The following PCDHGA6 variants were observed in gnomAD, a reference collection of about 807,000 sequenced individuals.
The protein encoded by PCDHGA6 is protocadherin gamma-A6.
PCDHGA6 carries 41 observed loss-of-function variants against 60.6 expected under a neutral mutation model. The observed-to-expected ratio is 0.68, with a 90% CI of 0.53 to 0.88. The LOEUF is 0.88. Among genes scored for constraint, PCDHGA6 ranks in the 40% least tolerant of loss-of-function variants. The pLI is 0.00. For synonymous variants in PCDHGA6, 594 were observed against 524.4 expected, an observed-to-expected ratio of 1.13 and a Z score of -1.81; for missense variants, 1,312 against 1,203.0, an observed-to-expected ratio of 1.09 and a Z score of -1.34.
chr5:141,490,419 G>T lies in PCDHGA6; in HGVS notation c.2425-4388G>T, dbSNP rs1424302713. ...TGAGCCTTGATATCTCTCCGGACCT[G>T]CCATTTCAGATTAAGCCTTCTGAGA... is the stretch of plus-strand genomic sequence containing the variant. On this transcript the variant is annotated intron_variant, in intron 1 of 3. Transcript: ENST00000517434. The surrounding 1 kb of genome is among the most constrained non-coding windows in gnomAD (Gnocchi z 5.4). The T allele has an allele frequency of 6.2e-7, 1 of 1,614,170 alleles. No homozygotes were observed. The highest frequency in any genetic ancestry group is 8.5e-7 in the Non-Finnish European group (1 of 1,180,020).
chr5:141,494,740 T>C, intron 1 of PCDHGA6, 67 bp from the exon 2 acceptor site: 1 of 1,612,194 alleles, frequency 6.2e-7, no homozygotes, highest in Non-Finnish European at 8.5e-7. Context: ...GGCCCATCCC[T>C]AGGGGCTCGG....
intron 1 of PCDHGA6, chr5:141,400,321 G>T (rs190006023): frequency 1.9e-6 from 3 of 1,614,064 alleles, no homozygotes; most frequent in East Asian, 2.2e-5. Context: ...TGTCAAGTCT[G>T]GACCTGTGGT....
intron 1 of PCDHGA6, chr5:141,377,067 G>A (rs1202945515): frequency 6.6e-6 from 1 of 152,572 alleles, no homozygotes; most frequent in Non-Finnish European, 1.5e-5. Context: ...CCTTTGCAGA[G>A]AGTCACATAA....
At chr5:141,390,163 C>T (rs376391116) in intron 1 of PCDHGA6, 27 of 1,613,874 alleles carry the variant, frequency 1.7e-5, no homozygotes, top group African/African-American at 2.7e-5. Flanking sequence ...ACAGGAAAGA[C>T]GGAGTTTAAT....
intron 1 of PCDHGA6, among the ~76,000 whole-genome samples, chr5:141,464,077 C>T (rs891173261): frequency 1.3e-5 from 2 of 151,950 alleles, no homozygotes; most frequent in African/African-American, 4.8e-5. Context: ...CCAGCCTGGC[C>T]AACATGGTGA....
chr5:141,389,074 G>C (rs1561622860), intron 1 of PCDHGA6: 11 of 1,614,030 alleles, frequency 6.8e-6, no homozygotes, highest in Non-Finnish European at 9.3e-6. Context: ...ACTTCTTCAA[G>C]AAACACGTAT....
chr5:141,399,469 T>G, intron 1 of PCDHGA6: 1 of 1,614,000 alleles, frequency 6.2e-7, no homozygotes. Flanking sequence ...CGCTCCGGTT[T>G]TCCACCAGGC....
intron 2 of PCDHGA6, among the ~76,000 whole-genome samples, chr5:141,500,431 G>A (rs1340129330): frequency 6.6e-6 from 1 of 151,476 alleles, no homozygotes; most frequent in Non-Finnish European, 1.5e-5. Flanking sequence ...GGATGGTCTC[G>A]ATCTCCTGAC....
rs200515281 is a variant in PCDHGA6, at chr5:141,376,266, C to T, written c.2183C>T (p.Ser728Leu). 1.1e-4 allele frequency: 171 copies of T among 1,614,088 alleles called. No individual in the cohort carries two copies. Among genetic ancestry groups the T allele is most frequent in the Non-Finnish European group, 1.3e-4 (157 of 1,180,046 alleles). The change falls in exon 1 of 4, where the codon TCG becomes TTG. Residue 728 changes from serine (S) to leucine (L), a missense_variant. Ser to Leu is a moderately radical substitution (Grantham distance 145, BLOSUM62 -2). Transcript: ENST00000517434. ...RWHKSRLLQA[S>L]GGGLASMPGS... ...CACAAGTCACGCCTGCTGCAGGCTT[C>T]GGGAGGTGGCTTAGCGAGCATGCCC...
In PCDHGA6 at chr5:141,393,089, G is replaced by A. The variant is rs1168367249; in HGVS notation, c.2424+16582G>A. 4 of 1,613,660 alleles carry A rather than the reference G, an allele frequency of 2.5e-6. No homozygotes were observed. In the East Asian group the frequency reaches 6.7e-5, roughly 27 times the overall value. ...TGATCACCGCGGGCAGGATAGATCGGGAGGAGCTCTGCGCTCAGAGCCCGC... is the reference window on the plus strand; with the variant it reads ...TGATCACCGCGGGCAGGATAGATCGAGAGGAGCTCTGCGCTCAGAGCCCGC... On this transcript the variant is annotated intron_variant, in intron 1 of 3. Transcript: ENST00000517434.
In PCDHGA6 at chr5:141,476,599, TC is replaced by T; in HGVS notation, c.2425-18205del. The T allele has an allele frequency of 6.2e-7, 1 of 1,614,210 alleles. No individual in the cohort carries two copies. ...GCTTTCCGCTCGAGAGCGCGCACGA[TC>T]CCGATGTGGGAAGCAACTCTTTACA... is the stretch of plus-strand genomic sequence containing the variant. On this transcript the variant is annotated intron_variant, in intron 1 of 3. Transcript: ENST00000517434. This position sits in a 1 kb window ranked among gnomAD's most constrained non-coding sequence, Gnocchi z 7.6.
chr5:141,409,831 C>T (rs1015263434), intron 1 of PCDHGA6: 2 of 1,611,128 alleles, frequency 1.2e-6, no homozygotes, highest in Non-Finnish European at 1.7e-6. Flanking sequence ...CCACGCTCAG[C>T]GCCAACGTGA....
At chr5:141,413,498 T>G (rs1187570193) in intron 1 of PCDHGA6, 1 of 1,614,026 alleles carries the variant, frequency 6.2e-7, no homozygotes, top group Admixed American at 1.7e-5. Context: ...CGGTGCGTGG[T>G]GAGTTTTAAT....
In PCDHGA6 at chr5:141,459,848, C is replaced by T. The variant is rs573481876; in HGVS notation, c.2425-34959C>T. Among the ~76,000 whole-genome samples the T allele has an allele frequency of 1.1e-4, 16 of 152,244 alleles. No homozygotes were observed. In the South Asian group the frequency reaches 2.5e-3, roughly 24 times the overall value. ...TTTCATGTGTTGTCTATTTGTATATCTTCTTGAAGCATTCGTTCATCTTTA... is the reference window on the plus strand; with the variant it reads ...TTTCATGTGTTGTCTATTTGTATATTTTCTTGAAGCATTCGTTCATCTTTA... On this transcript the variant is annotated intron_variant, in intron 1 of 3. Transcript: ENST00000517434.
chr5:141,424,408 T>G (rs942542788), intron 1 of PCDHGA6: 1 of 152,224 alleles, frequency 6.6e-6, no homozygotes, highest in Non-Finnish European at 1.5e-5. Flanking sequence ...TATGGTGAAG[T>G]TACATTGACT....
rs756466649 is a variant in PCDHGA6, at chr5:141,495,663, G to A, written c.2483+798G>A. 1.1e-3 allele frequency among the ~76,000 whole-genome samples: 169 copies of A among 152,164 alleles called. 3 individuals are homozygous for A. The highest frequency in any genetic ancestry group is 1.9e-3 in the Admixed American group (29 of 15,272). ...TTGTCTACTTGCATTGATCTGTGCCGCCCACTGTGCCTGCCATGGCATAAG... is the reference window on the plus strand; with the variant it reads ...TTGTCTACTTGCATTGATCTGTGCCACCCACTGTGCCTGCCATGGCATAAG... On this transcript the variant is annotated intron_variant, in intron 2 of 3. Coordinates refer to ENST00000517434, the MANE Select transcript of PCDHGA6 (RefSeq NM_018919.3).
chr5:141,413,386 G>A (rs757396075), intron 1 of PCDHGA6: 6 of 1,613,884 alleles, frequency 3.7e-6, no homozygotes, highest in African/African-American at 1.3e-5. Context: ...AGTCCGCATA[G>A]TCTCCAGAGG....
At chr5:141,415,740 G>GTTTTTTTTTTTTTTTTTTGTTTTTTTTT in intron 1 of PCDHGA6, 1 of 617,992 alleles carries the variant, frequency 1.6e-6, no homozygotes, top group Non-Finnish European at 2.1e-6. Flanking sequence ...GTTTATTAAG[G>GTTTTTTTTTTTTTTTTTTGTTTTTTTTT]TTTTTTTTTT....
At position 141,486,735 on chromosome 5, in the gene PCDHGA6, G is replaced by T; in HGVS notation, c.2425-8072G>T. 6.2e-7 allele frequency: 1 copy of T among 1,614,176 alleles called. No individual in the cohort carries two copies. The highest frequency in any genetic ancestry group is 1.1e-5 in the South Asian group (1 of 91,086). On this transcript the variant is annotated intron_variant, in intron 1 of 3. Coordinates refer to ENST00000517434, the MANE Select transcript of PCDHGA6 (RefSeq NM_018919.3). The surrounding 1 kb of genome is among the most constrained non-coding windows in gnomAD (Gnocchi z 5.0). Reference sequence around the variant, plus strand: ...CAGACAGGAGCTGTTCATGCTACTCGATCCTTTGACTATGAGCAAACCCAG... The same window carrying T: ...CAGACAGGAGCTGTTCATGCTACTCTATCCTTTGACTATGAGCAAACCCAG...
Sources: gnomAD v4.1 joint callset for allele counts (sites outside exome capture counted in the v4.1 genomes callset) on GRCh38, gnomAD v4.1.1 for gene constraint, Gnocchi (gnomAD v3.1) non-coding constraint, MANE v1.5 for transcripts, NCBI Gene and HGNC (gene_info 2026-07-23, HGNC 2026-07-21) for gene names.